The following NUBPL variants were observed in gnomAD, a reference collection of about 807,000 sequenced individuals.
NUBPL encodes the protein iron-sulfur cluster transfer protein NUBPL.
In NUBPL, 31 loss-of-function variants were observed where a neutral mutation model predicts 45.7. The observed-to-expected ratio is 0.68, with a 90% CI of 0.51 to 0.92. NUBPL has a LOEUF of 0.92. Ranked by LOEUF, NUBPL falls within the 40% of genes least tolerant of loss-of-function variation. NUBPL has a pLI of 0.00. For synonymous variants in NUBPL, 144 were observed against 140.9 expected (o/e 1.02, Z -0.15); for missense variants, 401 against 398.7 (o/e 1.01, Z -0.05).
intron 6 of NUBPL, among the ~76,000 whole-genome samples, chr14:31,698,825 A>C (rs2037270777): frequency 6.6e-6 from 1 of 151,362 alleles, no homozygotes; most frequent in Admixed American, 6.6e-5. Flanking sequence ...TGGAAAGTCC[A>C]CCAAAAGAAG....
At chr14:31,650,842 C>T (rs1228851874) in intron 4 of NUBPL, among the ~76,000 whole-genome samples, 1 of 152,092 alleles carries the variant, frequency 6.6e-6, no homozygotes, top group Non-Finnish European at 1.5e-5. Flanking sequence ...GCTGCTTCTA[C>T]TCATGGTAAA....
intron 6 of NUBPL, chr14:31,771,944 T>A (rs1006447521): frequency 9.0e-6 from 8 of 888,630 alleles, no homozygotes; most frequent in Non-Finnish European, 1.1e-5. Flanking sequence ...AGTATGCTAG[T>A]CTAACGCAGT....
At chr14:31,806,956 CT>C (rs34491557) in intron 7 of NUBPL, among the ~76,000 whole-genome samples, 1 of 151,792 alleles carries the variant, frequency 6.6e-6, no homozygotes, top group African/African-American at 2.4e-5. Context: ...TGAACTCATC[CT>C]TTTTTATGGC....
chr14:31,695,635 G>A (rs1025227551), intron 6 of NUBPL, among the ~76,000 whole-genome samples: 1 of 152,138 alleles, frequency 6.6e-6, no homozygotes, highest in Non-Finnish European at 1.5e-5. Context: ...GAGCCTGGCC[G>A]CTTGTGCTTT....
intron 6 of NUBPL, among the ~76,000 whole-genome samples, chr14:31,703,650 G>C (rs1241817140): frequency 6.6e-6 from 1 of 152,168 alleles, no homozygotes; most frequent in African/African-American, 2.4e-5. Context: ...TCACTGTCTT[G>C]AGAACAGCAT....
chr14:31,629,108 C>A (rs2035279666), intron 4 of NUBPL, among the ~76,000 whole-genome samples: 1 of 152,176 alleles, frequency 6.6e-6, no homozygotes, highest in Non-Finnish European at 1.5e-5. Context: ...CTTGGATCAT[C>A]TGAAAGATTC....
chr14:31,840,405 CTACTAGAAAT>C (rs1171675310), intron 8 of NUBPL, among the ~76,000 whole-genome samples: 1 of 151,994 alleles, frequency 6.6e-6, no homozygotes, highest in African/African-American at 2.4e-5. Flanking sequence ...AACCCCATCT[CTACTAGAAAT>C]ACAAAAAAAT....
chr14:31,722,098 G>A (rs1044424154), intron 6 of NUBPL, among the ~76,000 whole-genome samples: 15 of 152,126 alleles, frequency 9.9e-5, no homozygotes, highest in African/African-American at 2.9e-4. Flanking sequence ...CTGGGTTCAC[G>A]CCATTCTTCT....
chr14:31,795,739 G>A (rs1322794481), intron 7 of NUBPL, among the ~76,000 whole-genome samples: 1 of 26,096 alleles, frequency 3.8e-5, no homozygotes, highest in African/African-American at 2.4e-4. Flanking sequence ...TCTCCTGCCT[G>A]ATTGCCCTGG....
At position 31,562,160 on chromosome 14, in the gene NUBPL, A is replaced by AG. The variant is rs749681373; in HGVS notation, c.201_202insG (p.Gln68AlafsTer82). 4 of 1,614,048 alleles carry AG rather than the reference A, an allele frequency of 2.5e-6. No homozygotes were observed. The East Asian group carries it at 8.9e-5, about 36-fold the overall frequency. Reference sequence around the variant, plus strand: ...AGCAGAAACCGATAGAAGGTGTTAAACAAGTTATAGTTGTGGCTTCTGGAA... The same window carrying AG: ...AGCAGAAACCGATAGAAGGTGTTAAAGCAAGTTATAGTTGTGGCTTCTGGAA... On this transcript the variant is annotated frameshift_variant, in exon 2 of 11. Transcript: ENST00000281081. LOFTEE classifies it high-confidence loss of function.
chr14:31,747,397 A>G (rs1378230704), intron 6 of NUBPL, among the ~76,000 whole-genome samples: 1 of 152,016 alleles, frequency 6.6e-6, no homozygotes, highest in Non-Finnish European at 1.5e-5. Flanking sequence ...TTGGCCTCCC[A>G]AAGTGCTGGG....
chr14:31,594,462 C>T (rs1308009881), intron 3 of NUBPL, among the ~76,000 whole-genome samples: 2 of 152,160 alleles, frequency 1.3e-5, no homozygotes, highest in Non-Finnish European at 2.9e-5. Flanking sequence ...CTATTTTGTA[C>T]CTCTTTTGAG....
intron 4 of NUBPL, among the ~76,000 whole-genome samples, chr14:31,656,380 G>T (rs1212597643): frequency 2.0e-5 from 3 of 152,122 alleles, no homozygotes; most frequent in African/African-American, 7.2e-5. Flanking sequence ...CAACTTGGCT[G>T]TTTGGTTCAA....
chr14:31,806,786 G>A (rs1211635028), intron 7 of NUBPL, among the ~76,000 whole-genome samples: 3 of 151,760 alleles, frequency 2.0e-5, no homozygotes, highest in African/African-American at 2.4e-5. Flanking sequence ...CCCACACCAC[G>A]ACAGGCCCAG....
At chr14:31,646,189 C>T (rs2035846695) in intron 4 of NUBPL, among the ~76,000 whole-genome samples, 1 of 151,880 alleles carries the variant, frequency 6.6e-6, no homozygotes, top group South Asian at 2.1e-4. Flanking sequence ...CCCTGCCCTT[C>T]CCCCGCTTTT....
chr14:31,707,425 C>G (rs567859892), intron 6 of NUBPL, among the ~76,000 whole-genome samples: 1 of 152,298 alleles, frequency 6.6e-6, no homozygotes, highest in East Asian at 1.9e-4. Context: ...TCTCCTTTGT[C>G]TCTCTCTTTC....
rs1009758639 is a variant in NUBPL, at chr14:31,860,930, T to G, written c.*1750T>G. ...TTCCATTTATATAACGTTCTTGAAG[T>G]GACATAATTATAGAAATGGAGAACA... On this transcript the variant is annotated 3_prime_UTR_variant, in exon 11 of 11. Coordinates refer to ENST00000281081, the MANE Select transcript of NUBPL (RefSeq NM_025152.3). 43 of 152,256 alleles carry G rather than the reference T, an allele frequency of 2.8e-4. No individual in the cohort carries two copies. Among genetic ancestry groups the G allele is most frequent in the African/African-American group, 1.0e-3 (42 of 41,556 alleles). The allele number at this position is 152,256 out of a possible 1,614,324, so 9.4% of individuals were successfully genotyped here.
At chr14:31,636,616 G>A (rs923032916) in intron 4 of NUBPL, among the ~76,000 whole-genome samples, 5 of 152,186 alleles carry the variant, frequency 3.3e-5, no homozygotes, top group Admixed American at 2.6e-4. Context: ...AAATGAGTTA[G>A]GAAGGATTTC....
At chr14:31,745,406 A>T (rs2038376766) in intron 6 of NUBPL, among the ~76,000 whole-genome samples, 1 of 152,108 alleles carries the variant, frequency 6.6e-6, no homozygotes, top group African/African-American at 2.4e-5. Flanking sequence ...GCTGCATAGT[A>T]TTCCATGGTG....
Sources: gnomAD v4.1 joint callset for allele counts (sites outside exome capture counted in the v4.1 genomes callset) on GRCh38, gnomAD v4.1.1 for gene constraint, MANE v1.5 for transcripts, NCBI Gene and HGNC (gene_info 2026-07-23, HGNC 2026-07-21) for gene names.